The following MS4A15 variants were observed in gnomAD, a reference collection of about 807,000 sequenced individuals.
MS4A15 encodes membrane spanning 4-domains A15.
In MS4A15, 22 loss-of-function variants were observed where a neutral mutation model predicts 20.6. The ratio of observed to expected loss-of-function variants is 1.07; its 90% CI spans 0.76 to 1.52. The LOEUF (loss-of-function observed/expected upper bound fraction) is 1.52. Ranked by LOEUF, MS4A15 falls within the 40% of genes most tolerant of loss-of-function variation. The pLI, the probability that MS4A15 is intolerant of heterozygous loss-of-function variation, is 0.00. For missense variants in MS4A15, 312 were observed against 323.0 expected, an observed-to-expected ratio of 0.97 and a Z score of 0.26; for synonymous variants, 129 against 129.3, an observed-to-expected ratio of 1.00 and a Z score of 0.02.
Position 60,771,347 on chromosome 11 carries a change from G to A in MS4A15, c.405G>A (p.Leu135=). 6.2e-7 allele frequency: 1 copy of A among 1,614,082 alleles called. No homozygotes were observed. The highest frequency in any genetic ancestry group is 8.5e-7 in the Non-Finnish European group (1 of 1,180,032). ...VAAEKNHTSC[L]VRSSLGTNIL... is the part of the protein sequence containing the mutation. ...CCGAGAAGAACCACACCAGTTGCCT[G>A]GTGAGTGTGAACAGGGGGACCCAGG... is the stretch of plus-strand genomic sequence containing the variant. Residue 135 remains leucine (L), a splice_region_variant and synonymous_variant, in exon 4 of 7, where the codon CTG becomes CTA. Transcript: ENST00000405633.
At chr11:60,763,408 G>A (rs1853797131) in intron 1 of MS4A15, among the ~76,000 whole-genome samples, 1 of 152,118 alleles carries the variant, frequency 6.6e-6, no homozygotes, top group African/African-American at 2.4e-5. Context: ...GAAAAGAAGG[G>A]CATTTAAATA....
Position 60,776,143 on chromosome 11 carries a change from G to A in MS4A15, c.*428G>A, listed in dbSNP as rs1019768060. On this transcript the variant is annotated 3_prime_UTR_variant, in exon 7 of 7. Coordinates refer to ENST00000405633, the MANE Select transcript of MS4A15 (RefSeq NM_001098835.2). Reference sequence around the variant, plus strand: ...GACTCTGGCATTCCACAGAGGTGCCGATACCAGGCCAAGGCCTCACAGCAG... The same window carrying A: ...GACTCTGGCATTCCACAGAGGTGCCAATACCAGGCCAAGGCCTCACAGCAG... 3.2e-5 allele frequency: 5 copies of A among 156,500 alleles called. No homozygotes were observed. In the East Asian group the frequency reaches 7.5e-4, roughly 23 times the overall value. 9.7% of individuals were successfully genotyped at this position (156,500 alleles called of 1,614,324 possible).
chr11:60,765,548 C>T (rs1853863021), intron 2 of MS4A15, among the ~76,000 whole-genome samples: 1 of 152,158 alleles, frequency 6.6e-6, no homozygotes, highest in Non-Finnish European at 1.5e-5. Flanking sequence ...AGGGGATCAT[C>T]GTTCCTGTTG....
rs116003442 is a variant in MS4A15, at chr11:60,761,791, G to T, written c.-28-1915G>T. ...ATAATAATGTTACTGACATAGTTGTGATTTGTACTACGCACTCTTATATAC... is the reference window on the plus strand; with the variant it reads ...ATAATAATGTTACTGACATAGTTGTTATTTGTACTACGCACTCTTATATAC... On this transcript the variant is annotated intron_variant, in intron 1 of 6. Coordinates refer to ENST00000405633, the MANE Select transcript of MS4A15 (RefSeq NM_001098835.2). Among the ~76,000 whole-genome samples, 429 of 152,288 alleles carry T rather than the reference G, an allele frequency of 2.8e-3. 2 individuals carry two copies. The highest frequency in any genetic ancestry group is 1.0e-2 in the African/African-American group (414 of 41,568).
intron 3 of MS4A15, among the ~76,000 whole-genome samples, chr11:60,767,881 G>T (rs1329925078): frequency 6.6e-6 from 1 of 152,158 alleles, no homozygotes; most frequent in Admixed American, 6.5e-5. Flanking sequence ...CCAGCAAACA[G>T]CCAGAGAAGC....
In MS4A15 at chr11:60,775,472, T is replaced by C. The variant is rs1179615955; in HGVS notation, c.613-133T>C. The C allele has an allele frequency of 1.2e-5, 8 of 692,000 alleles. 1 individual carries two copies. Among genetic ancestry groups the C allele is most frequent in the Admixed American group, 2.3e-5 (1 of 43,770 alleles). The allele number at this position is 692,000 out of a possible 1,614,324, so 42.9% of individuals were successfully genotyped here. A position where few individuals can be genotyped will look rare whatever the true frequency, so the allele number is the denominator to read the frequency against. ...GAAATATTGGTTGCACGGAGAGCCC[T>C]GAGCATGCGATTCAGACTTGCGGAA... On this transcript the variant is annotated intron_variant, in intron 6 of 6. Coordinates refer to ENST00000405633, the MANE Select transcript of MS4A15 (RefSeq NM_001098835.2).
At chr11:60,767,386 A>G in intron 2 of MS4A15, 147 bp from the exon 3 acceptor site, 2 of 1,017,376 alleles carry the variant, frequency 2.0e-6, no homozygotes. Context: ...TTTCTGTAAT[A>G]ATATCGCCTC....
At chr11:60,767,470 C>A in intron 2 of MS4A15, 63 bp from the exon 3 acceptor site, 1 of 1,413,020 alleles carries the variant, frequency 7.1e-7, no homozygotes, top group Non-Finnish European at 9.3e-7. Flanking sequence ...ACGCTCTCCG[C>A]GGGGCCGGCA....
At position 60,775,857 on chromosome 11, in the gene MS4A15, G is replaced by C. The variant is rs763886482; in HGVS notation, c.*142G>C. On this transcript the variant is annotated 3_prime_UTR_variant, in exon 7 of 7. Coordinates refer to ENST00000405633, the MANE Select transcript of MS4A15 (RefSeq NM_001098835.2). Reference sequence around the variant, plus strand: ...CATCTACACATACTCCGGCATCTGAGTGAAGTGTCCCCAGGGACATCTCTC... The same window carrying C: ...CATCTACACATACTCCGGCATCTGACTGAAGTGTCCCCAGGGACATCTCTC... The C allele has an allele frequency of 6.8e-5, 43 of 629,024 alleles. No individual in the cohort carries two copies. The highest frequency in any genetic ancestry group is 1.9e-4 in the South Asian group (9 of 48,144). 39.0% of individuals were successfully genotyped at this position (629,024 alleles called of 1,614,324 possible).
chr11:60,773,750 G>A (rs572858380), intron 5 of MS4A15, 87 bp from the exon 6 acceptor site: 51 of 1,119,780 alleles, frequency 4.6e-5, no homozygotes, highest in African/African-American at 4.0e-4. Context: ...CCAACTAGCC[G>A]CATGACCTTG....
chr11:60,769,449 G>A (rs1293861214), intron 3 of MS4A15, among the ~76,000 whole-genome samples: 1 of 152,218 alleles, frequency 6.6e-6, no homozygotes, highest in Non-Finnish European at 1.5e-5. Context: ...TGCGGGTGCA[G>A]CCAGGCCTCC....
chr11:60,769,885 T>G (rs562449835), intron 3 of MS4A15, among the ~76,000 whole-genome samples: 37 of 152,276 alleles, frequency 2.4e-4, no homozygotes, highest in African/African-American at 8.9e-4. Context: ...AGACCTGTAG[T>G]GACTCATTCC....
At chr11:60,766,844 C>T (rs550898155) in intron 2 of MS4A15, among the ~76,000 whole-genome samples, 11 of 152,340 alleles carry the variant, frequency 7.2e-5, no homozygotes, top group East Asian at 5.8e-4. Flanking sequence ...GTGAAAGTCA[C>T]GGAGCCGGAA....
In MS4A15 at chr11:60,763,854, C is replaced by A. The variant is rs571335215; in HGVS notation, c.121C>A (p.Gln41Lys). Residue 41 changes from glutamine to lysine, a missense_variant, in exon 2 of 7, where the codon CAG becomes AAG. Transcript: ENST00000405633. Reference sequence around the variant, plus strand: ...CATGTGCCAACCTCCAGGGATTATGCAGTTTGAGGAGCCACCGCTGGGGGC... The same window carrying A: ...CATGTGCCAACCTCCAGGGATTATGAAGTTTGAGGAGCCACCGCTGGGGGC... The part of the protein sequence containing the change: ...TSMCQPPGIM[Q>K]FEEPPLGAQT... The A allele has an allele frequency of 1.2e-6, 2 of 1,612,868 alleles. No individual in the cohort carries two copies. Among genetic ancestry groups the A allele is most frequent in the South Asian group, 2.2e-5 (2 of 91,024 alleles).
Position 60,776,698 on chromosome 11 carries a change from C to A in MS4A15, c.*983C>A, listed in dbSNP as rs558537473. ...ATGAGATGGCTTGTCTCATCCACAC[C>A]ACAGAAGGAAATAAACCATGTGGCT... On this transcript the variant is annotated 3_prime_UTR_variant, in exon 7 of 7. Transcript: ENST00000405633. 6.6e-6 allele frequency: 1 copy of A among 152,356 alleles called. No individual in the cohort carries two copies. The highest frequency in any genetic ancestry group is 1.5e-5 in the Non-Finnish European group (1 of 68,046). 9.4% of individuals were successfully genotyped at this position (152,356 alleles called of 1,614,324 possible). A position where few individuals can be genotyped will look rare whatever the true frequency, so the allele number is the denominator to read the frequency against.
chr11:60,771,932 C>T (rs559922658), intron 4 of MS4A15, among the ~76,000 whole-genome samples: 18 of 152,230 alleles, frequency 1.2e-4, no homozygotes, highest in South Asian at 4.1e-4. Flanking sequence ...ATCATGAACA[C>T]GGCAGCGAAG....
intron 1 of MS4A15, among the ~76,000 whole-genome samples, chr11:60,761,658 T>C (rs1468057571): frequency 6.6e-6 from 1 of 152,232 alleles, no homozygotes; most frequent in African/African-American, 2.4e-5. Flanking sequence ...AAACAAGCTT[T>C]AAGCCCTGCT....
At chr11:60,763,175 G>C (rs537850615) in intron 1 of MS4A15, among the ~76,000 whole-genome samples, 1 of 152,096 alleles carries the variant, frequency 6.6e-6, no homozygotes, top group Non-Finnish European at 1.5e-5. Context: ...ACATTTCTTG[G>C]CTACATCAAT....
intron 2 of MS4A15, among the ~76,000 whole-genome samples, chr11:60,767,135 T>G (rs979929648): frequency 6.6e-6 from 1 of 151,940 alleles, no homozygotes; most frequent in Non-Finnish European, 1.5e-5. Context: ...ACACGGAAAT[T>G]GTGTGATGGA....
Sources: allele counts gnomAD v4.1 joint callset (sites outside exome capture counted in the v4.1 genomes callset), GRCh38; gene constraint gnomAD v4.1.1; transcripts MANE v1.5; gene names NCBI Gene and HGNC (gene_info 2026-07-23, HGNC 2026-07-21).